Variants in COA8 observed in about 807,000 individuals in gnomAD.
The protein encoded by COA8 is cytochrome c oxidase assembly factor 8, also known as UPF0671 protein C14orf153.
In COA8, 20 loss-of-function variants were observed where a neutral mutation model predicts 22.0. That is an observed-to-expected ratio of 0.91 (90% CI 0.64 to 1.32). The LOEUF (loss-of-function observed/expected upper bound fraction) is 1.32, where lower values mean the gene tolerates loss of function less well. Ranked by LOEUF, COA8 falls within the 40% of genes most tolerant of loss-of-function variation. COA8 has a pLI of 0.00. For synonymous variants in COA8, 105 were observed against 79.9 expected, an observed-to-expected ratio of 1.31 and a Z score of -1.68; for missense variants, 266 against 230.0, an observed-to-expected ratio of 1.16 and a Z score of -1.01.
intron 2 of COA8, 113 bp downstream of exon 2, chr14:103,571,933 C>T (rs951303789): frequency 2.8e-5 from 24 of 845,502 alleles, no homozygotes; most frequent in Non-Finnish European, 3.4e-5. Context: ...CGAGACCATC[C>T]TGGCTAACAC....
chr14:103,571,573 A>G, intron 1 of COA8, 50 bp from the exon 2 acceptor site: 1 of 1,470,200 alleles, frequency 6.8e-7, no homozygotes, highest in East Asian at 2.3e-5. Flanking sequence ...ACATTTTATA[A>G]TACTAGAGAT....
At chr14:103,580,797 G>GTTT (rs377472697) in intron 3 of COA8, among the ~76,000 whole-genome samples, 1 of 122,562 alleles carries the variant, frequency 8.2e-6, no homozygotes, top group Admixed American at 8.3e-5. Flanking sequence ...TTGGCCTGTT[G>GTTT]TTTTTTTTTT....
At chr14:103,565,959 C>T (rs888976924) in intron 1 of COA8, among the ~76,000 whole-genome samples, 4 of 152,102 alleles carry the variant, frequency 2.6e-5, no homozygotes, top group African/African-American at 9.7e-5. Context: ...GGTATGCCTT[C>T]TTTTCCTGTT....
At chr14:103,565,805 G>A (rs942487963) in intron 1 of COA8, among the ~76,000 whole-genome samples, 5 of 151,636 alleles carry the variant, frequency 3.3e-5, no homozygotes, top group Admixed American at 2.0e-4. Context: ...TTGTAGAGAC[G>A]GGTTTCACCA....
At chr14:103,566,510 T>C (rs537773298) in intron 1 of COA8, among the ~76,000 whole-genome samples, 4 of 152,356 alleles carry the variant, frequency 2.6e-5, no homozygotes, top group African/African-American at 9.6e-5. Context: ...TGTCCTGTAT[T>C]GTGGTGCTTA....
In COA8 at chr14:103,590,281, AACTAG is replaced by A. The variant is rs1376146329; in HGVS notation, c.578_582del (p.Asn193ArgfsTer30). 3 of 1,613,796 alleles carry A rather than the reference AACTAG, an allele frequency of 1.9e-6. No homozygotes were observed. In the East Asian group the frequency reaches 6.7e-5, roughly 36 times the overall value. ...TAAACAGAAACAAAAGAAGAGGAGCAACTAGGAGTCCACTCTGACCCAGCCAGAGT... is the reference window on the plus strand; with the variant it reads ...TAAACAGAAACAAAAGAAGAGGAGCAGAGTCCACTCTGACCCAGCCAGAGT... On this transcript the variant is annotated frameshift_variant and stop_lost, in exon 5 of 5. Transcript: ENST00000409074. LOFTEE classifies it high-confidence loss of function.
intron 1 of COA8, among the ~76,000 whole-genome samples, chr14:103,563,535 A>G (rs77374003): frequency 0.022 from 3,353 of 152,246 alleles, 118 homozygotes; most frequent in African/African-American, 0.077. Context: ...GCACTTTATC[A>G]TCGTACTTTT....
intron 2 of COA8, among the ~76,000 whole-genome samples, chr14:103,572,130 A>G (rs1331106104): frequency 6.6e-6 from 1 of 151,988 alleles, no homozygotes; most frequent in Non-Finnish European, 1.5e-5. Context: ...CGTCTCAAAA[A>G]AAAAAAAAGA....
In COA8 at chr14:103,562,990, G is replaced by A; in HGVS notation, c.-12G>A. 1.3e-6 allele frequency: 2 copies of A among 1,544,892 alleles called. No individual in the cohort carries two copies. Among genetic ancestry groups the A allele is most frequent in the Non-Finnish European group, 1.7e-6 (2 of 1,151,570 alleles). Reference sequence around the variant, plus strand: ...GCTGCCGTGCGCCGCGGGAGCCAGGGGGCGTGGGGCCATGGTGGTCTTGCG... The same window carrying A: ...GCTGCCGTGCGCCGCGGGAGCCAGGAGGCGTGGGGCCATGGTGGTCTTGCG... On this transcript the variant is annotated 5_prime_UTR_variant, in exon 1 of 5. Transcript: ENST00000409074.
chr14:103,567,187 AC>A (rs2076141540), intron 1 of COA8, among the ~76,000 whole-genome samples: 2 of 152,056 alleles, frequency 1.3e-5, no homozygotes, highest in African/African-American at 4.8e-5. Flanking sequence ...AGCCTGGCCA[AC>A]GTGGTGAAAC....
At chr14:103,565,100 C>T (rs771440893) in intron 1 of COA8, among the ~76,000 whole-genome samples, 13 of 151,886 alleles carry the variant, frequency 8.6e-5, no homozygotes, top group Non-Finnish European at 1.9e-4. Flanking sequence ...GGATCACAGG[C>T]GCATGCTGCC....
chr14:103,563,249 C>T (rs921596875), intron 1 of COA8, 125 bp downstream of exon 1: 8 of 1,302,862 alleles, frequency 6.1e-6, no homozygotes, highest in African/African-American at 1.5e-5. Flanking sequence ...CTCTCGCGTC[C>T]TATCCCGAAC....
intron 3 of COA8, among the ~76,000 whole-genome samples, chr14:103,575,469 C>T (rs576421198): frequency 1.5e-4 from 23 of 152,218 alleles, no homozygotes; most frequent in Admixed American, 4.6e-4. Flanking sequence ...GAGCAGGCCA[C>T]GGTGCCTGCA....
At chr14:103,588,892 A>C (rs2076330610) in intron 4 of COA8, among the ~76,000 whole-genome samples, 1 of 152,244 alleles carries the variant, frequency 6.6e-6, no homozygotes, top group Non-Finnish European at 1.5e-5. Context: ...AGTGAGGGAC[A>C]GTCTGACCTA....
intron 3 of COA8, among the ~76,000 whole-genome samples, chr14:103,584,765 G>C (rs1422225026): frequency 1.3e-5 from 2 of 152,162 alleles, no homozygotes; most frequent in East Asian, 1.9e-4. Flanking sequence ...CCGTGGTGTT[G>C]AGCATCTTGT....
chr14:103,571,904 G>C (rs968931298), intron 2 of COA8, 84 bp downstream of exon 2: 2 of 1,174,956 alleles, frequency 1.7e-6, no homozygotes, highest in African/African-American at 3.1e-5. Context: ...GAGGTGGGCA[G>C]ATCACGAGGT....
rs185403094 is a variant in COA8, at chr14:103,571,870, G to A, written c.321+50G>A. ...CGGAAGGGTGCGGTGGCTCACGCCT[G>A]TAATCCCAGCACTTCGGGATGCCGA... On this transcript the variant is annotated intron_variant, in intron 2 of 4. Transcript: ENST00000409074. 5.1e-5 allele frequency: 78 copies of A among 1,525,420 alleles called. No homozygotes were observed. The African/African-American group carries it at 8.1e-4, about 16-fold the overall frequency. The allele number at this position is 1,525,420 out of a possible 1,614,324, so 94.5% of individuals were successfully genotyped here. A position where few individuals can be genotyped will look rare whatever the true frequency, so the allele number is the denominator to read the frequency against.
intron 2 of COA8, among the ~76,000 whole-genome samples, chr14:103,573,874 A>G (rs2076207940): frequency 6.6e-6 from 1 of 152,144 alleles, no homozygotes; most frequent in Non-Finnish European, 1.5e-5. Context: ...TTTATAAACA[A>G]ACAGCGTCTC....
chr14:103,587,223 G>A (rs1173511285), intron 3 of COA8, 51 bp from the exon 4 acceptor site: 2 of 1,496,846 alleles, frequency 1.3e-6, no homozygotes, highest in East Asian at 4.6e-5. Flanking sequence ...ATAGTTTTTT[G>A]TTTATCCTTT....
Sources: gnomAD v4.1 joint callset for allele counts (sites outside exome capture counted in the v4.1 genomes callset) on GRCh38, gnomAD v4.1.1 for gene constraint, MANE v1.5 for transcripts, NCBI Gene and HGNC (gene_info 2026-07-23, HGNC 2026-07-21) for gene names.